The following ZNF814 variants were observed in gnomAD, a reference collection of about 807,000 sequenced individuals.
ZNF814 encodes the protein zinc finger protein 814.
Under a neutral mutation model 7.5 loss-of-function variants are expected in ZNF814, and 5 were observed. The observed-to-expected ratio is 0.67, with a 90% CI of 0.35 to 1.40. ZNF814 has a LOEUF of 1.40. Among genes scored for constraint, ZNF814 ranks in the 40% most tolerant of loss-of-function variants. The probability of loss-of-function intolerance (pLI) is 0.04; values close to 1 mark genes in which losing one functional copy is unlikely to be tolerated. For missense variants in ZNF814, 962 were observed against 1,018.0 expected, an observed-to-expected ratio of 0.94 and a Z score of 0.75; for synonymous variants, 315 against 340.7, an observed-to-expected ratio of 0.92 and a Z score of 0.83.
intron 1 of ZNF814, among the ~76,000 whole-genome samples, chr19:57,887,720 A>C (rs2071704440): frequency 6.6e-6 from 1 of 152,130 alleles, no homozygotes; most frequent in Non-Finnish European, 1.5e-5. Context: ...GCAGATTCTC[A>C]ACATATCAAA....
intron 1 of ZNF814, among the ~76,000 whole-genome samples, chr19:57,886,335 T>C (rs1264129740): frequency 6.6e-6 from 1 of 152,142 alleles, no homozygotes; most frequent in Non-Finnish European, 1.5e-5. Flanking sequence ...TGCCTCAATG[T>C]AAAATGTCAT....
At chr19:57,885,599 C>A (rs1307315211) in intron 1 of ZNF814, among the ~76,000 whole-genome samples, 1 of 144,266 alleles carries the variant, frequency 6.9e-6, no homozygotes, top group Non-Finnish European at 1.5e-5. Context: ...CACTGCACTA[C>A]AGCCTGGACA....
In ZNF814 at chr19:57,873,517, T is replaced by G; in HGVS notation, c.1873A>C (p.Met625Leu). ...TTGTAAGGTCTTTCTCCAGTGTGCA[T>G]GCGCTGATGGTGAACAAGGCTGCGC... ...HKRSLVHHQR[M>L]HTGERPYKCG... The change falls in exon 3 of 3, where the codon ATG becomes CTG. Residue 625 changes from methionine to leucine, a missense_variant. Physicochemically the swap from Met to Leu is conservative, Grantham distance 15. Transcript: ENST00000435989. The G allele has an allele frequency of 6.2e-7, 1 of 1,613,976 alleles. No individual in the cohort carries two copies. Among genetic ancestry groups the G allele is most frequent in the Non-Finnish European group, 8.5e-7 (1 of 1,179,984 alleles).
Position 57,876,660 on chromosome 19 carries a change from C to T in ZNF814, c.163+256G>A, listed in dbSNP as rs1600136977. The T allele has an allele frequency of 1.1e-5, 6 of 522,152 alleles. No homozygotes were observed. The East Asian group carries it at 1.5e-4, about 13-fold the overall frequency. The allele number at this position is 522,152 out of a possible 1,614,324, so 32.3% of individuals were successfully genotyped here. ...TGAAATCTGGACAAGGACACCCAAA[C>T]ATCCACAGGACTAACAAGGTGGGCT... is the stretch of plus-strand genomic sequence containing the variant. On this transcript the variant is annotated intron_variant, in intron 2 of 2. Coordinates refer to ENST00000435989, the MANE Select transcript of ZNF814 (RefSeq NM_001144989.2).
chr19:57,886,962 C>A (rs1446070040), intron 1 of ZNF814, among the ~76,000 whole-genome samples: 1 of 151,574 alleles, frequency 6.6e-6, no homozygotes, highest in Admixed American at 6.6e-5. Context: ...CTGAGGCGGG[C>A]GGATCAGTTG....
the ZNF814 span, among the ~76,000 whole-genome samples, chr19:57,902,548 A>C: frequency 6.6e-6 from 1 of 151,258 alleles, no homozygotes; most frequent in South Asian, 2.1e-4. Context: ...TATAATAAGT[A>C]TAAAGGGGAG....
At position 57,876,947 on chromosome 19, in the gene ZNF814, C is replaced by A. The variant is rs142566977; in HGVS notation, c.132G>T (p.Thr44=). 1.1e-4 allele frequency: 185 copies of A among 1,614,118 alleles called. No individual in the cohort carries two copies. The East Asian group carries it at 1.7e-3, about 15-fold the overall frequency. ...EAQRCLYRDV[T]LENLALISSL... Reference sequence around the variant, plus strand: ...AGGATATAAGTGCCAGGTTCTCCAGCGTCACATCACGGTACAGGCATCTCT... The same window carrying A: ...AGGATATAAGTGCCAGGTTCTCCAGAGTCACATCACGGTACAGGCATCTCT... Residue 44 remains threonine, a synonymous_variant, in exon 2 of 3, where the codon ACG becomes ACT. Transcript: ENST00000435989.
the ZNF814 span, chr19:57,901,749 A>G: frequency 2.5e-6 from 1 of 398,660 alleles, no homozygotes; most frequent in Non-Finnish European, 4.4e-6. Context: ...AACAACTAGT[A>G]ACCTAATGGT....
intron 1 of ZNF814, among the ~76,000 whole-genome samples, chr19:57,877,323 G>A (rs1008219592): frequency 2.0e-5 from 3 of 152,140 alleles, no homozygotes; most frequent in African/African-American, 7.2e-5. Context: ...GCACAGCAGA[G>A]ATACCCTCTC....
At chr19:57,896,265 C>T in the ZNF814 span, among the ~76,000 whole-genome samples, 60 of 151,768 alleles carry the variant, frequency 4.0e-4, no homozygotes, top group African/African-American at 1.4e-3. The surrounding 1 kb of genome is among the most constrained non-coding windows in gnomAD (Gnocchi z 4.2). Flanking sequence ...TTGGTGTGGG[C>T]ATTGATAAAG....
the ZNF814 span, among the ~76,000 whole-genome samples, chr19:57,894,571 T>C: frequency 6.6e-6 from 1 of 151,894 alleles, no homozygotes; most frequent in Non-Finnish European, 1.5e-5. Flanking sequence ...GGCTCACACC[T>C]GTAATCCCAG....
chr19:57,900,891 A>G, the ZNF814 span, among the ~76,000 whole-genome samples: 9 of 101,566 alleles, frequency 8.9e-5, no homozygotes, highest in Non-Finnish European at 1.5e-4. Context: ...TCTGTCGCCC[A>G]GGCTGGAGTG....
the ZNF814 span, among the ~76,000 whole-genome samples, chr19:57,899,752 A>G: frequency 6.6e-6 from 1 of 152,214 alleles, no homozygotes; most frequent in Non-Finnish European, 1.5e-5. Context: ...ACATTCACCT[A>G]CAGGAGTTAT....
chr19:57,889,142 TGA>T (rs1193883353), upstream of ZNF814: 3 of 422,906 alleles, frequency 7.1e-6, no homozygotes, highest in South Asian at 8.5e-5. Flanking sequence ...CATTCGAGGC[TGA>T]GTTTTCTGGG....
At chr19:57,889,198 C>A (rs1285314467), upstream of ZNF814, 1 of 393,620 alleles carries the variant, frequency 2.5e-6, no homozygotes, top group East Asian at 3.6e-5. Context: ...GGGCGCAATT[C>A]CCAGAGGCGC....
At chr19:57,900,137 C>T in the ZNF814 span, among the ~76,000 whole-genome samples, 8 of 152,232 alleles carry the variant, frequency 5.3e-5, no homozygotes, top group East Asian at 5.8e-4. Context: ...GGATAAGCCT[C>T]ATTTGTGGGA....
chr19:57,896,585 G>C, the ZNF814 span, among the ~76,000 whole-genome samples: 1 of 152,104 alleles, frequency 6.6e-6, no homozygotes, highest in East Asian at 1.9e-4. The surrounding 1 kb of genome is among the most constrained non-coding windows in gnomAD (Gnocchi z 4.2). Context: ...CAAAAGGCTA[G>C]AGCTGAGGGA....
In ZNF814 at chr19:57,874,736, T is replaced by A. The variant is rs566658242; in HGVS notation, c.654A>T (p.Glu218Asp). 17 of 1,608,664 alleles carry A rather than the reference T, an allele frequency of 1.1e-5. No homozygotes were observed. Among genetic ancestry groups the A allele is most frequent in the African/African-American group, 6.7e-5 (5 of 75,020 alleles). The change falls in exon 3 of 3, where the codon GAA becomes GAT. Residue 218 changes from glutamate (E) to aspartate (D), a missense_variant. Glu to Asp is a conservative substitution (Grantham distance 45). This residue lies in a region of ZNF814 where 126 missense variants were observed against 123.5 expected (regional missense o/e 1.02). Transcript: ENST00000435989. Reference protein sequence around the residue: ...QCGGAHYSCGESMKHFSTKHI... With the variant: ...QCGGAHYSCGDSMKHFSTKHI... ...GTTTGGTGCTAAAATGTTTCATGGA[T>A]TCTCCACAGCTGTAGTGAGCTCCCC...
At chr19:57,882,747 C>T (rs577931912) in intron 1 of ZNF814, among the ~76,000 whole-genome samples, 20 of 148,936 alleles carry the variant, frequency 1.3e-4, no homozygotes, top group African/African-American at 3.3e-4. Context: ...TCACAACACC[C>T]GGGTCCTTTC....
Sources: gnomAD v4.1 joint callset for allele counts (sites outside exome capture counted in the v4.1 genomes callset) on GRCh38, gnomAD v4.1.1 for gene constraint, gnomAD v4.1.1 regional missense constraint, Gnocchi (gnomAD v3.1) non-coding constraint, MANE v1.5 for transcripts, NCBI Gene and HGNC (gene_info 2026-07-23, HGNC 2026-07-21) for gene names.